AHI1: variants seen among roughly 807,000 people sequenced by gnomAD.
AHI1 encodes Abelson helper integration site 1, also known as jouberin.
AHI1 carries 123 observed loss-of-function variants against 149.3 expected under a neutral mutation model. The observed-to-expected ratio is 0.82, with a 90% CI of 0.71 to 0.96. AHI1 has a LOEUF of 0.96. AHI1 is among the 40% of genes least tolerant of loss of function. The pLI, the probability that AHI1 is intolerant of heterozygous loss-of-function variation, is 0.00. For missense variants in AHI1, 1,439 were observed against 1,422.7 expected (o/e 1.01, Z -0.18); for synonymous variants, 475 against 459.8 (o/e 1.03, Z -0.42).
At chr6:135,490,397 C>CTG in intron 5 of AHI1, 1 of 650,376 alleles carries the variant, frequency 1.5e-6, no homozygotes, top group Non-Finnish European at 2.7e-6. Context: ...ATTTTCCCCA[C>CTG]TGTGTGTGTG....
chr6:135,346,999 A>G (rs936394354), intron 24 of AHI1, among the ~76,000 whole-genome samples: 1 of 152,206 alleles, frequency 6.6e-6, no homozygotes, highest in Non-Finnish European at 1.5e-5. Context: ...CCCTCTTCCC[A>G]GGAAATTGAC....
rs745308071 is a variant in AHI1, at chr6:135,408,034, C to CA, written c.2962-3058dup. Among the ~76,000 whole-genome samples, 605 of 132,958 alleles carry CA rather than the reference C, an allele frequency of 4.6e-3. 5 individuals are homozygous for CA. Among genetic ancestry groups the CA allele is most frequent in the African/African-American group, 0.011 (385 of 36,214 alleles). 87.2% of individuals were successfully genotyped at this position (132,958 alleles called of 152,430 possible). ...TGGGCGACAGAGTGAGATTCCGTCT[C>CA]AAAAAAAAAAAAAAATTTCTGATTT... On this transcript the variant is annotated intron_variant, in intron 21 of 28. Coordinates refer to ENST00000265602, the MANE Select transcript of AHI1 (RefSeq NM_001134831.2).
rs59084001 is a variant in AHI1, at chr6:135,344,926, TCACACACACACACA to T, written c.3165+13192_3165+13205del. On this transcript the variant is annotated intron_variant, in intron 24 of 28. Coordinates refer to ENST00000265602, the MANE Select transcript of AHI1 (RefSeq NM_001134831.2). Reference sequence around the variant, plus strand: ...TCAGTTTATTGAAATAAGCTCTGATTCACACACACACACACACACACACACACACAGTATATTAA... The same window carrying T: ...TCAGTTTATTGAAATAAGCTCTGATTCACACACACACACACAGTATATTAA... Among the ~76,000 whole-genome samples, 396 of 145,798 alleles carry T rather than the reference TCACACACACACACA, an allele frequency of 2.7e-3. 4 individuals are homozygous for T. Among genetic ancestry groups the T allele is most frequent in the Admixed American group, 0.025 (370 of 14,588 alleles).
intron 22 of AHI1, among the ~76,000 whole-genome samples, chr6:135,403,794 T>TC (rs1246416544): frequency 1.3e-5 from 2 of 152,056 alleles, no homozygotes; most frequent in Non-Finnish European, 2.9e-5. Context: ...TGTTCTCTTT[T>TC]CCCCCCTCGT....
chr6:135,349,319 A>C (rs1186956507), intron 24 of AHI1, among the ~76,000 whole-genome samples: 1 of 152,210 alleles, frequency 6.6e-6, no homozygotes, highest in African/African-American at 2.4e-5. Flanking sequence ...AGAATTTATG[A>C]AATGAAGAAA....
chr6:135,355,433 G>T (rs887660467), intron 24 of AHI1, among the ~76,000 whole-genome samples: 1 of 152,244 alleles, frequency 6.6e-6, no homozygotes, highest in East Asian at 1.9e-4. Context: ...ATTAAAAAGA[G>T]AGTGAGAGGT....
chr6:135,374,298 G>A (rs1775575923), intron 23 of AHI1, among the ~76,000 whole-genome samples: 1 of 151,230 alleles, frequency 6.6e-6, no homozygotes, highest in Admixed American at 6.6e-5. Flanking sequence ...ATTTTTAGTA[G>A]AGACGGGGTC....
In AHI1 at chr6:135,431,246, C is replaced by T. The variant is rs1583199685; in HGVS notation, c.2335G>A (p.Asp779Asn). 2.5e-6 allele frequency: 4 copies of T among 1,607,726 alleles called. 1 individual carries two copies. Among genetic ancestry groups the T allele is most frequent in the Middle Eastern group, 1.7e-4 (1 of 5,914 alleles). ...CAGTGGTGCACTGAATGTTCCAAAT[C>T]ATTAATCTTGACATAGGTATTCCAA... ...VVWNTYVKIN[D>N]LEHSVHHWTI... The change falls in exon 17 of 29, where the codon GAT becomes AAT. Residue 779 changes from aspartate (D) to asparagine (N), a missense_variant. Physicochemically the swap from Asp to Asn is conservative, Grantham distance 23. Coordinates refer to ENST00000265602, the MANE Select transcript of AHI1 (RefSeq NM_001134831.2).
At chr6:135,377,744 G>A (rs996760906) in intron 23 of AHI1, among the ~76,000 whole-genome samples, 1 of 151,900 alleles carries the variant, frequency 6.6e-6, no homozygotes, top group African/African-American at 2.4e-5. Flanking sequence ...ACCTCCCAAA[G>A]TACCAGGCGC....
intron 18 of AHI1, 51 bp from the exon 19 acceptor site, chr6:135,428,810 A>C (rs963268804): frequency 1.2e-5 from 18 of 1,479,704 alleles, no homozygotes; most frequent in Admixed American, 2.3e-5. Context: ...CATGTAAATG[A>C]CTGGTGGTAT....
chr6:135,333,878 A>G (rs910384763), intron 24 of AHI1, among the ~76,000 whole-genome samples: 1 of 152,216 alleles, frequency 6.6e-6, no homozygotes, highest in Non-Finnish European at 1.5e-5. Context: ...CAATTATATC[A>G]AAAGAACAGC....
intron 3 of AHI1, 21 bp from the exon 4 acceptor site, chr6:135,492,312 T>A: frequency 6.8e-7 from 1 of 1,473,478 alleles, no homozygotes; most frequent in East Asian, 2.5e-5. Context: ...AAAGGAGATG[T>A]ATTTGTAATA....
At chr6:135,340,333 T>C (rs763397033) in intron 24 of AHI1, among the ~76,000 whole-genome samples, 35 of 151,500 alleles carry the variant, frequency 2.3e-4, no homozygotes, top group Non-Finnish European at 4.6e-4. Context: ...GATCGCACCG[T>C]GCACTCCATC....
chr6:135,346,539 G>GT (rs1340750820), intron 24 of AHI1, among the ~76,000 whole-genome samples: 1 of 151,966 alleles, frequency 6.6e-6, no homozygotes, highest in African/African-American at 2.4e-5. Flanking sequence ...TTACCAAGTG[G>GT]TAACAGTCTA....
chr6:135,483,967 T>C (rs1219043015), intron 5 of AHI1, among the ~76,000 whole-genome samples: 1 of 152,224 alleles, frequency 6.6e-6, no homozygotes, highest in Non-Finnish European at 1.5e-5. Flanking sequence ...GATAAAGACA[T>C]AACTGAGACT....
intron 21 of AHI1, among the ~76,000 whole-genome samples, chr6:135,406,171 G>GTGT (rs1464343008): frequency 5.9e-5 from 9 of 152,224 alleles, no homozygotes; most frequent in Non-Finnish European, 5.9e-5. Context: ...CTCACAGGTG[G>GTGT]ACAGTACCTT....
At chr6:135,470,140 A>C (rs778041390) in intron 5 of AHI1, among the ~76,000 whole-genome samples, 5 of 152,210 alleles carry the variant, frequency 3.3e-5, no homozygotes, top group Non-Finnish European at 7.3e-5. Context: ...AAACGACCCC[A>C]CAAAAAAGTG....
chr6:135,361,283 ACAC>A (rs1234367742), intron 23 of AHI1, among the ~76,000 whole-genome samples: 3 of 152,164 alleles, frequency 2.0e-5, no homozygotes, highest in South Asian at 2.1e-4. Context: ...TATGTTATAA[ACAC>A]CACAATATAT....
chr6:135,307,142 A>G (rs944492899), intron 26 of AHI1: 2 of 152,202 alleles, frequency 1.3e-5, no homozygotes, highest in African/African-American at 4.8e-5. Context: ...AAATTCAAAT[A>G]AAAGAGTAAT....
Sources: allele counts gnomAD v4.1 joint callset (sites outside exome capture counted in the v4.1 genomes callset), GRCh38; gene constraint gnomAD v4.1.1; transcripts MANE v1.5; gene names NCBI Gene and HGNC (gene_info 2026-07-23, HGNC 2026-07-21).